The following PDGFC variants were observed in gnomAD, a reference collection of about 807,000 sequenced individuals.
PDGFC encodes platelet derived growth factor C.
A neutral mutation model predicts 35.5 loss-of-function variants in PDGFC; 12 were observed. That is an observed-to-expected ratio of 0.34 (90% CI 0.22 to 0.55). The LOEUF (loss-of-function observed/expected upper bound fraction) is 0.55. Ranked by LOEUF, PDGFC falls within the 20% of genes least tolerant of loss-of-function variation. The pLI is 0.91. For synonymous variants in PDGFC, 159 were observed against 148.8 expected (o/e 1.07, Z -0.50); for missense variants, 322 against 412.4 (o/e 0.78, Z 1.90).
At chr4:156,963,570 G>C (rs915745882) in intron 1 of PDGFC, among the ~76,000 whole-genome samples, 7 of 152,022 alleles carry the variant, frequency 4.6e-5, no homozygotes, top group Non-Finnish European at 8.8e-5. Context: ...AATAGCAAGA[G>C]AGCAAATTTA....
chr4:156,785,272 G>T (rs1269458917), intron 3 of PDGFC, among the ~76,000 whole-genome samples: 1 of 152,134 alleles, frequency 6.6e-6, no homozygotes, highest in African/African-American at 2.4e-5. Context: ...CGCAATCTTG[G>T]CTCACTGCAA....
At chr4:156,774,674 C>CTT (rs1730779316) in intron 3 of PDGFC, among the ~76,000 whole-genome samples, 1 of 109,906 alleles carries the variant, frequency 9.1e-6, no homozygotes, top group Non-Finnish European at 1.9e-5. Flanking sequence ...TTTTTTTTAA[C>CTT]AAAAGTTTAT....
At chr4:156,856,458 C>A (rs557108141) in intron 1 of PDGFC, among the ~76,000 whole-genome samples, 3 of 152,238 alleles carry the variant, frequency 2.0e-5, no homozygotes, top group Admixed American at 2.0e-4. Flanking sequence ...CCTGGACCAG[C>A]TATACTAGTA....
intron 2 of PDGFC, among the ~76,000 whole-genome samples, chr4:156,822,147 C>G (rs968373386): frequency 6.6e-6 from 1 of 151,910 alleles, no homozygotes; most frequent in Admixed American, 6.6e-5. Context: ...ATCACGAGTT[C>G]AGGAGATCGA....
At chr4:156,830,409 C>A (rs1728899626) in intron 2 of PDGFC, among the ~76,000 whole-genome samples, 1 of 152,146 alleles carries the variant, frequency 6.6e-6, no homozygotes, top group Non-Finnish European at 1.5e-5. Flanking sequence ...CTGCCCCCAC[C>A]ATGACCTTCA....
intron 1 of PDGFC, among the ~76,000 whole-genome samples, chr4:156,964,815 T>C (rs1328768338): frequency 1.3e-5 from 2 of 152,042 alleles, no homozygotes; most frequent in African/African-American, 4.8e-5. Context: ...GTTCCTGGGG[T>C]CTTTCCAACT....
intron 1 of PDGFC, among the ~76,000 whole-genome samples, chr4:156,904,499 T>C (rs1262129369): frequency 6.6e-6 from 1 of 152,082 alleles, no homozygotes; most frequent in Non-Finnish European, 1.5e-5. Context: ...AAAATAGCCT[T>C]CATTTCTCTA....
At chr4:156,802,690 T>G (rs1381116342) in intron 3 of PDGFC, among the ~76,000 whole-genome samples, 1 of 152,150 alleles carries the variant, frequency 6.6e-6, no homozygotes, top group Admixed American at 6.5e-5. Flanking sequence ...AACCAGTATT[T>G]ATACTCTTAG....
At chr4:156,826,073 T>C (rs982683670) in intron 2 of PDGFC, among the ~76,000 whole-genome samples, 3 of 151,018 alleles carry the variant, frequency 2.0e-5, no homozygotes, top group African/African-American at 7.3e-5. Context: ...CTTTATTGCC[T>C]AGGCTGCTGC....
chr4:156,824,391 C>T (rs1367906147), intron 2 of PDGFC, among the ~76,000 whole-genome samples: 1 of 147,006 alleles, frequency 6.8e-6, no homozygotes, highest in East Asian at 2.0e-4. Context: ...CATACACACA[C>T]ATATATATAC....
chr4:156,927,673 T>C (rs568825011), intron 1 of PDGFC, among the ~76,000 whole-genome samples: 1 of 152,168 alleles, frequency 6.6e-6, no homozygotes, highest in African/African-American at 2.4e-5. Context: ...CTGGATTTCA[T>C]TGTCCATATC....
At chr4:156,821,064 G>A (rs1235211171) in intron 2 of PDGFC, among the ~76,000 whole-genome samples, 1 of 152,132 alleles carries the variant, frequency 6.6e-6, no homozygotes, top group Admixed American at 6.5e-5. Context: ...GGTCGGGTAA[G>A]CACAGAGGCT....
intron 1 of PDGFC, among the ~76,000 whole-genome samples, chr4:156,936,797 G>T (rs774046922): frequency 2.0e-5 from 3 of 152,126 alleles, no homozygotes; most frequent in Non-Finnish European, 2.9e-5. Context: ...GAATACTATC[G>T]TATTGCCTTG....
chr4:156,971,543 G>A lies in PDGFC; in HGVS notation c.-640C>T, dbSNP rs1732595527. 5.7e-6 allele frequency: 1 copy of A among 176,778 alleles called. No individual in the cohort carries two copies. The highest frequency in any genetic ancestry group is 1.2e-5 in the Non-Finnish European group (1 of 85,478). 11.0% of individuals were successfully genotyped at this position (176,778 alleles called of 1,614,324 possible). On this transcript the variant is annotated 5_prime_UTR_variant, in exon 1 of 6. Transcript: ENST00000502773. ...GCGGCCCGGGCGCAGGCGGAGAGAG[G>A]CCGCGGGGCTCCCGCTCCTCAGCCC... is the stretch of plus-strand genomic sequence containing the variant.
intron 5 of PDGFC, among the ~76,000 whole-genome samples, chr4:156,765,702 C>T (rs6821344): frequency 0.053 from 8,099 of 152,110 alleles, 691 homozygotes; most frequent in African/African-American, 0.18. Flanking sequence ...GAAAAAGGAA[C>T]GAATATTTTA....
intron 3 of PDGFC, among the ~76,000 whole-genome samples, chr4:156,774,946 G>A (rs1730789541): frequency 2.6e-5 from 4 of 152,112 alleles, no homozygotes; most frequent in Middle Eastern, 3.4e-3. Context: ...CAGTACAATG[G>A]TTACTATTAA....
At chr4:156,857,155 T>A (rs1729602914) in intron 1 of PDGFC, among the ~76,000 whole-genome samples, 1 of 151,848 alleles carries the variant, frequency 6.6e-6, no homozygotes, top group South Asian at 2.1e-4. Flanking sequence ...TATAAAAGAA[T>A]TACTAATCAG....
chr4:156,840,952 T>C (rs918916331), intron 2 of PDGFC, among the ~76,000 whole-genome samples: 17 of 152,316 alleles, frequency 1.1e-4, no homozygotes, highest in African/African-American at 4.1e-4. Flanking sequence ...AATCAATGCC[T>C]GTACCCCCAT....
At chr4:156,910,798 C>T (rs1262650340) in intron 1 of PDGFC, among the ~76,000 whole-genome samples, 1 of 152,046 alleles carries the variant, frequency 6.6e-6, no homozygotes, top group Non-Finnish European at 1.5e-5. Context: ...ACGGCAGATG[C>T]TCACCATATT....
Sources: gnomAD v4.1 joint callset for allele counts (sites outside exome capture counted in the v4.1 genomes callset) on GRCh38, gnomAD v4.1.1 for gene constraint, MANE v1.5 for transcripts, NCBI Gene and HGNC (gene_info 2026-07-23, HGNC 2026-07-21) for gene names.